IRS2: variants seen among roughly 807,000 people sequenced by gnomAD.
IRS2 encodes insulin receptor substrate 2.
Under a neutral mutation model 70.9 loss-of-function variants are expected in IRS2, and 28 were observed. The ratio of observed to expected loss-of-function variants is 0.39; its 90% CI spans 0.29 to 0.54. The LOEUF (loss-of-function observed/expected upper bound fraction) is 0.54, where lower values mean the gene tolerates loss of function less well. Ranked by LOEUF, IRS2 falls within the 20% of genes least tolerant of loss-of-function variation. IRS2 has a pLI of 0.59. For missense variants in IRS2, 2,081 were observed against 2,024.1 expected (o/e 1.03, Z -0.54); for synonymous variants, 1,217 against 981.9 (o/e 1.24, Z -4.48).
intron 1 of IRS2, among the ~76,000 whole-genome samples, chr13:109,761,301 A>C (rs571323369): frequency 6.6e-6 from 1 of 152,352 alleles, no homozygotes; most frequent in South Asian, 2.1e-4. Context: ...GCCATAGCTG[A>C]ATTAGGAGTG....
intron 1 of IRS2, among the ~76,000 whole-genome samples, chr13:109,762,519 C>T (rs556611757): frequency 3.1e-4 from 47 of 152,292 alleles, no homozygotes; most frequent in South Asian, 2.1e-3. Context: ...GAGACACCTG[C>T]AACTGTCACC....
chr13:109,774,219 G>A (rs1264413672), intron 1 of IRS2, among the ~76,000 whole-genome samples: 1 of 152,118 alleles, frequency 6.6e-6, no homozygotes, highest in African/African-American at 2.4e-5. Flanking sequence ...GACAGCCAGA[G>A]CAATCTAAGT....
In IRS2 at chr13:109,785,775, G is replaced by A; in HGVS notation, c.279C>T (p.Ile93=). The A allele has an allele frequency of 6.3e-7, 1 of 1,591,660 alleles. No individual in the cohort carries two copies. The highest frequency in any genetic ancestry group is 8.5e-7 in the Non-Finnish European group (1 of 1,176,316). ...TGATGTTCAGGCAGCAGTCGAGAGC[G>A]ATCACCCGTTTCGGCGCGCCTGCCT... ...RSKAGAPKRV[I]ALDCCLNINK... Residue 93 remains isoleucine (I), a synonymous_variant, in exon 1 of 2, where the codon ATC becomes ATT. Coordinates refer to ENST00000375856, the MANE Select transcript of IRS2 (RefSeq NM_003749.3). This position sits in a 1 kb window ranked among gnomAD's most constrained non-coding sequence, Gnocchi z 9.3.
At chr13:109,757,988 G>GT (rs1311268146) in intron 1 of IRS2, among the ~76,000 whole-genome samples, 1 of 152,128 alleles carries the variant, frequency 6.6e-6, no homozygotes. Flanking sequence ...GGCCTATCTT[G>GT]TTATTTTTAA....
At position 109,783,419 on chromosome 13, in the gene IRS2, C is replaced by T. The variant is rs549588978; in HGVS notation, c.2635G>A (p.Gly879Ser). Residue 879 changes from glycine to serine, a missense_variant, in exon 1 of 2, where the codon GGC (glycine) becomes AGC (serine). Coordinates refer to ENST00000375856, the MANE Select transcript of IRS2 (RefSeq NM_003749.3). ...GCCCGGCCGCGCTGGCCCAAGAAGCCCTCCGGGCGGCCGCCGCTAGGCCGC... is the reference window on the plus strand; with the variant it reads ...GCCCGGCCGCGCTGGCCCAAGAAGCTCTCCGGGCGGCCGCCGCTAGGCCGC... ...PVRPSGGRPE[G>S]FLGQRGRAVR... 4.2e-3 allele frequency: 6,275 copies of T among 1,491,042 alleles called. 18 individuals are homozygous for T. The highest frequency in any genetic ancestry group is 4.9e-3 in the Non-Finnish European group (5,482 of 1,129,346). 92.4% of individuals were successfully genotyped at this position (1,491,042 alleles called of 1,614,324 possible).
Position 109,784,965 on chromosome 13 carries a change from G to A in IRS2, c.1089C>T (p.Thr363=). The change falls in exon 1 of 2, where the codon ACC becomes ACT. Residue 363 remains threonine, a synonymous_variant. Transcript: ENST00000375856. The surrounding 1 kb of genome is among the most constrained non-coding windows in gnomAD (Gnocchi z 5.2). The part of the protein sequence containing the change: ...AAKCSSCRVR[T]ASEGDGGAAA... ...CCGCGCCGCCGTCGCCCTCGCTGGCGGTGCGCACCCGGCACGAGCTGCACT... is the reference window on the plus strand; with the variant it reads ...CCGCGCCGCCGTCGCCCTCGCTGGCAGTGCGCACCCGGCACGAGCTGCACT... 8.3e-7 allele frequency: 1 copy of A among 1,207,938 alleles called. No individual in the cohort carries two copies. Among genetic ancestry groups the A allele is most frequent in the Non-Finnish European group, 1.0e-6 (1 of 973,308 alleles). 74.8% of individuals were successfully genotyped at this position (1,207,938 alleles called of 1,614,324 possible). A position where few individuals can be genotyped will look rare whatever the true frequency, so the allele number is the denominator to read the frequency against.
At chr13:109,776,194 G>C (rs1023811204) in intron 1 of IRS2, among the ~76,000 whole-genome samples, 1 of 151,818 alleles carries the variant, frequency 6.6e-6, no homozygotes, top group Non-Finnish European at 1.5e-5. Flanking sequence ...GGTGCAATGC[G>C]TGTGATCAGT....
Position 109,783,712 on chromosome 13 carries a change from G to A in IRS2, c.2342C>T (p.Pro781Leu), listed in dbSNP as rs768894121. The change falls in exon 1 of 2, where the codon CCC (proline) becomes CTC (leucine). Residue 781 changes from proline (P) to leucine (L), a missense_variant. Pro to Leu is a moderately conservative substitution (Grantham distance 98, BLOSUM62 -3). Around this residue, in one of 4 missense-constraint regions of IRS2, gnomAD observed 1,615 missense variants for 1,459.5 expected, o/e 1.11. Transcript: ENST00000375856. ...GTGCAGGGCTGCGGAGAAGAAGTCG[G>A]GCGGGGTGCCCGTGGTGACCGCGTC... The part of the protein sequence containing the change: ...PSDAVTTGTP[P>L]DFFSAALHPG... The A allele has an allele frequency of 6.4e-7, 1 of 1,571,646 alleles. No individual in the cohort carries two copies. Among genetic ancestry groups the A allele is most frequent in the South Asian group, 1.2e-5 (1 of 86,352 alleles).
At chr13:109,761,665 C>T (rs1392859751) in intron 1 of IRS2, among the ~76,000 whole-genome samples, 1 of 151,262 alleles carries the variant, frequency 6.6e-6, no homozygotes, top group Admixed American at 6.6e-5. Flanking sequence ...TTGAACTTTT[C>T]TTTTAAATTG....
At chr13:109,760,129 C>T (rs148084497) in intron 1 of IRS2, among the ~76,000 whole-genome samples, 1 of 152,234 alleles carries the variant, frequency 6.6e-6, no homozygotes, top group East Asian at 1.9e-4. Flanking sequence ...GATGAGATTC[C>T]AGCAAAAATT....
At chr13:109,769,721 T>C (rs958805844) in intron 1 of IRS2, among the ~76,000 whole-genome samples, 2 of 152,230 alleles carry the variant, frequency 1.3e-5, no homozygotes, top group African/African-American at 4.8e-5. Context: ...TCGCCCACTT[T>C]CTGTTATTCT....
At position 109,753,654 on chromosome 13, in the gene IRS2, C is replaced by T. The variant is rs531636915; in HGVS notation, c.*2650G>A. 7.3e-5 allele frequency: 13 copies of T among 177,694 alleles called. No individual in the cohort carries two copies. Among genetic ancestry groups the T allele is most frequent in the Non-Finnish European group, 1.3e-4 (11 of 82,702 alleles). 11.0% of individuals were successfully genotyped at this position (177,694 alleles called of 1,614,324 possible). On this transcript the variant is annotated 3_prime_UTR_variant, in exon 2 of 2. Transcript: ENST00000375856. ...TCTGTTTTGTTATATAACACATTTA[C>T]TTTTCATAAATGTTGTTATCTGGCA...
In IRS2 at chr13:109,755,041, C is replaced by G. The variant is rs926269865; in HGVS notation, c.*1263G>C. The G allele has an allele frequency of 4.4e-6, 1 of 227,194 alleles. No homozygotes were observed. The highest frequency in any genetic ancestry group is 1.8e-4 in the South Asian group (1 of 5,496). The allele number at this position is 227,194 out of a possible 1,614,324, so 14.1% of individuals were successfully genotyped here. On this transcript the variant is annotated 3_prime_UTR_variant, in exon 2 of 2. Transcript: ENST00000375856. ...GTTCAGCAGTTTTAGGTAACATCTG[C>G]GAGAACTGCCACACACTGGTATTTT... is the stretch of plus-strand genomic sequence containing the variant.
chr13:109,769,683 T>C (rs1877411217), intron 1 of IRS2, among the ~76,000 whole-genome samples: 1 of 152,198 alleles, frequency 6.6e-6, no homozygotes, highest in Non-Finnish European at 1.5e-5. Context: ...ACTTCCTAGG[T>C]TTCAAAGGCA....
chr13:109,761,536 C>A (rs1877225257), intron 1 of IRS2, among the ~76,000 whole-genome samples: 1 of 150,708 alleles, frequency 6.6e-6, no homozygotes, highest in Admixed American at 6.6e-5. Flanking sequence ...GAAAAATAAA[C>A]CCGATAATTT....
At position 109,782,906 on chromosome 13, in the gene IRS2, C is replaced by G. The variant is rs771232244; in HGVS notation, c.3148G>C (p.Val1050Leu). 1 of 1,547,028 alleles carries G rather than the reference C, an allele frequency of 6.5e-7. No homozygotes were observed. Among genetic ancestry groups the G allele is most frequent in the Non-Finnish European group, 8.7e-7 (1 of 1,145,590 alleles). ...ELYRLPPASA[V>L]ATAQGPGAAS... ...GCGCCCGGGCCCTGGGCGGTGGCAA[C>G]GGCCGAGGCGGGGGGCAGGCGGTAC... Residue 1050 changes from valine (V) to leucine (L), a missense_variant, in exon 1 of 2, where the codon GTT becomes CTT. By Grantham distance (32) the Val-to-Leu change is conservative (BLOSUM62 1). Coordinates refer to ENST00000375856, the MANE Select transcript of IRS2 (RefSeq NM_003749.3).
Position 109,782,294 on chromosome 13 carries a change from T to A in IRS2, c.3760A>T (p.Ile1254Phe), listed in dbSNP as rs2138929354. The A allele has an allele frequency of 6.2e-7, 1 of 1,610,758 alleles. No individual in the cohort carries two copies. Among genetic ancestry groups the A allele is most frequent in the Non-Finnish European group, 8.5e-7 (1 of 1,179,154 alleles). The stretch of plus-strand genomic sequence containing the variant: ...GGCTCCTCCCTCACGTCGATGGCGA[T>A]GTAGTTGAGACCATTCTGGAAGCCG... ...SAGFQNGLNYIAIDVREEPGL... is the reference protein window; with the variant it reads ...SAGFQNGLNYFAIDVREEPGL... The change falls in exon 1 of 2, where the codon ATC becomes TTC. Residue 1254 changes from isoleucine (I) to phenylalanine (F), a missense_variant. Physicochemically the swap from Ile to Phe is conservative, Grantham distance 21 (BLOSUM62 0). Around this residue, in one of 4 missense-constraint regions of IRS2, gnomAD observed 1,615 missense variants for 1,459.5 expected, o/e 1.11. Transcript: ENST00000375856.
Position 109,767,389 on chromosome 13 carries a change from T to C in IRS2, c.4013-11081A>G, listed in dbSNP as rs181468138. On this transcript the variant is annotated intron_variant, in intron 1 of 1. Transcript: ENST00000375856. ...CAACATAAAGATTCCATTTCCCAAA[T>C]TGCCAGAAGTTTGGAAAGGGGAGAA... Among the ~76,000 whole-genome samples, 465 of 152,188 alleles carry C rather than the reference T, an allele frequency of 3.1e-3. 4 individuals carry two copies. Among genetic ancestry groups the C allele is most frequent in the African/African-American group, 0.01 (428 of 41,548 alleles).
At position 109,753,981 on chromosome 13, in the gene IRS2, C is replaced by T. The variant is rs1877049892; in HGVS notation, c.*2323G>A. On this transcript the variant is annotated 3_prime_UTR_variant, in exon 2 of 2. Transcript: ENST00000375856. ...GCATCACATTGACCCCTATATACAGCGTGTACAGTGGAAGACAGAGCAAGA... is the reference window on the plus strand; with the variant it reads ...GCATCACATTGACCCCTATATACAGTGTGTACAGTGGAAGACAGAGCAAGA... The T allele has an allele frequency of 2.2e-5, 5 of 231,772 alleles. No homozygotes were observed. The East Asian group carries it at 2.5e-4, about 11-fold the overall frequency. 14.4% of individuals were successfully genotyped at this position (231,772 alleles called of 1,614,324 possible). A position where few individuals can be genotyped will look rare whatever the true frequency, so the allele number is the denominator to read the frequency against.
Sources: gnomAD v4.1 joint callset for allele counts (sites outside exome capture counted in the v4.1 genomes callset) on GRCh38, gnomAD v4.1.1 for gene constraint, gnomAD v4.1.1 regional missense constraint, Gnocchi (gnomAD v3.1) non-coding constraint, MANE v1.5 for transcripts, NCBI Gene and HGNC (gene_info 2026-07-23, HGNC 2026-07-21) for gene names.